The following RANBP2 variants were observed in gnomAD, a reference collection of about 807,000 sequenced individuals.
The protein encoded by RANBP2 is RAN binding protein 2.
RANBP2 carries 57 observed loss-of-function variants against 303.6 expected under a neutral mutation model. The observed-to-expected ratio is 0.19, with a 90% CI of 0.15 to 0.23. The LOEUF is 0.23. RANBP2 is among the 10% of genes least tolerant of loss of function. The probability of loss-of-function intolerance (pLI) is 1.00; values close to 1 mark genes in which losing one functional copy is unlikely to be tolerated. For missense variants in RANBP2, 3,138 were observed against 3,780.8 expected (o/e 0.83, Z 4.46); for synonymous variants, 1,167 against 1,301.5 (o/e 0.90, Z 2.23).
the RANBP2 span, among the ~76,000 whole-genome samples, chr2:108,960,715 A>T: frequency 2.0e-5 from 3 of 152,262 alleles, no homozygotes. Context: ...TACCATATGG[A>T]AACATTATTG....
chr2:109,015,786 TAAAG>T, the RANBP2 span, among the ~76,000 whole-genome samples: 1 of 152,006 alleles, frequency 6.6e-6, no homozygotes, highest in African/African-American at 2.4e-5. Flanking sequence ...AATAAAAAAA[TAAAG>T]AATACGGTAT....
At chr2:109,545,779 G>C in the RANBP2 span, 1 of 1,427,042 alleles carries the variant, frequency 7.0e-7, no homozygotes, top group Non-Finnish European at 9.1e-7. Context: ...CCAGCTAACT[G>C]ATCCTTTTCA....
At chr2:108,755,634 C>T (rs1224339443) in intron 17 of RANBP2, among the ~76,000 whole-genome samples, 1 of 151,708 alleles carries the variant, frequency 6.6e-6, no homozygotes, top group Non-Finnish European at 1.5e-5. Flanking sequence ...CTCAAAGAAT[C>T]CTCCTGCTTC....
At chr2:109,463,280 C>T in the RANBP2 span, among the ~76,000 whole-genome samples, 6 of 152,256 alleles carry the variant, frequency 3.9e-5, no homozygotes, top group African/African-American at 9.6e-5. Flanking sequence ...TGATTACTGC[C>T]TTGACTGTGC....
intron 1 of RANBP2, among the ~76,000 whole-genome samples, chr2:108,725,186 A>G (rs1424905723): frequency 6.6e-6 from 1 of 152,158 alleles, no homozygotes; most frequent in East Asian, 1.9e-4. Context: ...TGTCATGTAA[A>G]GAAGTACTGC....
the RANBP2 span, among the ~76,000 whole-genome samples, chr2:109,407,892 G>A: frequency 2.6e-5 from 4 of 152,182 alleles, no homozygotes; most frequent in African/African-American, 9.7e-5. Context: ...GCGTCCTGAT[G>A]ATTTTTGTCG....
chr2:108,908,016 C>G, the RANBP2 span: 1 of 1,607,244 alleles, frequency 6.2e-7, no homozygotes, highest in African/African-American at 1.3e-5. Context: ...AGGCATCGTT[C>G]TCGCTGCAAA....
At chr2:108,960,602 AT>A in the RANBP2 span, among the ~76,000 whole-genome samples, 536 of 152,080 alleles carry the variant, frequency 3.5e-3, 2 homozygotes, top group African/African-American at 0.012. Flanking sequence ...AGGTTTTTAC[AT>A]TTTTTTTCAT....
the RANBP2 span, among the ~76,000 whole-genome samples, chr2:109,497,117 T>C: frequency 6.6e-6 from 1 of 152,254 alleles, no homozygotes; most frequent in African/African-American, 2.4e-5. Context: ...GGAACTATAA[T>C]ATATTTTTAT....
At chr2:109,009,796 C>T in the RANBP2 span, among the ~76,000 whole-genome samples, 3 of 151,680 alleles carry the variant, frequency 2.0e-5, no homozygotes, top group Non-Finnish European at 4.4e-5. Flanking sequence ...ATTCTCCCAC[C>T]TCGGCCTCCC....
the RANBP2 span, among the ~76,000 whole-genome samples, chr2:108,979,513 C>A: frequency 6.6e-6 from 1 of 151,694 alleles, no homozygotes; most frequent in East Asian, 1.9e-4. Context: ...ATGGCACACC[C>A]CAGGAGCTGA....
chr2:109,199,597 T>TCAACGCGAGTGCAG, the RANBP2 span, among the ~76,000 whole-genome samples: 1 of 274 alleles, frequency 3.6e-3, no homozygotes, highest in Non-Finnish European at 6.8e-3. Flanking sequence ...TGGAATGGAA[T>TCAACGCGAGTGCAG]GGAATGGAAT....
chr2:109,455,767 G>A, the RANBP2 span, among the ~76,000 whole-genome samples: 1 of 152,212 alleles, frequency 6.6e-6, no homozygotes, highest in South Asian at 2.1e-4. Context: ...GGGGAAGCCA[G>A]CTGCTGCCAG....
At chr2:109,375,437 C>A in the RANBP2 span, among the ~76,000 whole-genome samples, 2 of 152,326 alleles carry the variant, frequency 1.3e-5, no homozygotes, top group South Asian at 4.1e-4. Flanking sequence ...AGTGTCCACT[C>A]GGGCACAGAG....
chr2:109,358,621 A>G, the RANBP2 span, among the ~76,000 whole-genome samples: 1 of 152,244 alleles, frequency 6.6e-6, no homozygotes, highest in South Asian at 2.1e-4. Context: ...TTGACTCACC[A>G]TTCAATCAGA....
the RANBP2 span, among the ~76,000 whole-genome samples, chr2:109,702,804 CTT>C: frequency 1.4e-5 from 2 of 144,792 alleles, no homozygotes; most frequent in Admixed American, 7.0e-5. Context: ...CTGAATCAGT[CTT>C]TTTTTTTTTT....
chr2:109,546,626 A>C, the RANBP2 span, among the ~76,000 whole-genome samples: 119 of 152,304 alleles, frequency 7.8e-4, no homozygotes, highest in Non-Finnish European at 1.6e-3. Flanking sequence ...AAAAACAACA[A>C]CACTATTTTC....
chr2:109,212,682 C>A, the RANBP2 span, among the ~76,000 whole-genome samples: 1 of 152,186 alleles, frequency 6.6e-6, no homozygotes, highest in Admixed American at 6.5e-5. Context: ...AATGGACTCA[C>A]CTGATTGTAA....
chr2:109,048,672 C>G, the RANBP2 span, among the ~76,000 whole-genome samples: 1 of 151,916 alleles, frequency 6.6e-6, no homozygotes, highest in East Asian at 1.9e-4. Flanking sequence ...GGAATGGGAA[C>G]CTCTTGAGGC....
Sources: gnomAD v4.1 joint callset for allele counts (sites outside exome capture counted in the v4.1 genomes callset) on GRCh38, gnomAD v4.1.1 for gene constraint, MANE v1.5 for transcripts, NCBI Gene and HGNC (gene_info 2026-07-23, HGNC 2026-07-21) for gene names.